NINL: variants seen among roughly 807,000 people sequenced by gnomAD.
NINL encodes the protein ninein like.
Under a neutral mutation model 160.3 loss-of-function variants are expected in NINL, and 153 were observed. That is an observed-to-expected ratio of 0.95 (90% CI 0.84 to 1.09). NINL has a LOEUF of 1.09. NINL is among the 50% of genes least tolerant of loss of function. The pLI is 0.00. For synonymous variants in NINL, 800 were observed against 734.8 expected, an observed-to-expected ratio of 1.09 and a Z score of -1.43; for missense variants, 1,829 against 1,764.0, an observed-to-expected ratio of 1.04 and a Z score of -0.66.
At chr20:25,570,644 C>CT (rs370242636) in intron 1 of NINL, among the ~76,000 whole-genome samples, 4,660 of 126,544 alleles carry the variant, frequency 0.037, 239 homozygotes, top group African/African-American at 0.12. Flanking sequence ...AATACAGATA[C>CT]TTTTTTTTTT....
chr20:25,493,976 C>T (rs2424719), intron 10 of NINL, among the ~76,000 whole-genome samples: 22,343 of 151,986 alleles, frequency 0.15, 3,362 homozygotes, highest in African/African-American at 0.39. Flanking sequence ...ACCACAGTCC[C>T]ACAGGGGCTT....
At chr20:25,509,664 A>T (rs1162486155) in intron 5 of NINL, 4 of 456,456 alleles carry the variant, frequency 8.8e-6, no homozygotes, top group Non-Finnish European at 1.8e-5. Flanking sequence ...ATCCTCTCAC[A>T]CCCACCTTTC....
intron 1 of NINL, among the ~76,000 whole-genome samples, chr20:25,553,801 A>T (rs1021416885): frequency 2.6e-5 from 4 of 152,114 alleles, no homozygotes; most frequent in African/African-American, 7.2e-5. Context: ...CATGGAGGTG[A>T]CTCCGTTTCC....
chr20:25,567,442 G>GC (rs1360113871), intron 1 of NINL, among the ~76,000 whole-genome samples: 1 of 152,112 alleles, frequency 6.6e-6, no homozygotes, highest in African/African-American at 2.4e-5. Context: ...AAAAATCGAG[G>GC]CCGAGGCCTA....
At chr20:25,482,552 T>C (rs928387145) in intron 13 of NINL, among the ~76,000 whole-genome samples, 4 of 151,806 alleles carry the variant, frequency 2.6e-5, no homozygotes, top group Admixed American at 6.5e-5. Context: ...GGTTTCACCA[T>C]GTTGGCCAGG....
At chr20:25,578,446 A>G (rs2065139816) in intron 1 of NINL, among the ~76,000 whole-genome samples, 1 of 152,100 alleles carries the variant, frequency 6.6e-6, no homozygotes, top group Non-Finnish European at 1.5e-5. Flanking sequence ...ACGCACACAA[A>G]GCCACAAAAA....
At chr20:25,573,450 C>T (rs1275085919) in intron 1 of NINL, among the ~76,000 whole-genome samples, 3 of 152,084 alleles carry the variant, frequency 2.0e-5, no homozygotes, top group Non-Finnish European at 4.4e-5. Context: ...GCATAACACA[C>T]AACACTGATG....
At chr20:25,517,220 A>C (rs895840693) in intron 3 of NINL, among the ~76,000 whole-genome samples, 1 of 152,088 alleles carries the variant, frequency 6.6e-6, no homozygotes, top group Non-Finnish European at 1.5e-5. Context: ...CCTATGTGAC[A>C]CACTAAATAA....
Position 25,498,195 on chromosome 20 carries a change from CCT to C in NINL, c.1169+13_1169+14del, listed in dbSNP as rs1247008098. The C allele has an allele frequency of 4.3e-6, 7 of 1,611,958 alleles. No individual in the cohort carries two copies. ...GCCACACTGCCACGTTCCCCAGTCC[CCT>C]GTGGCCTCTTACTGCTGGTAGCTCA... is the stretch of plus-strand genomic sequence containing the variant. On this transcript the variant is annotated intron_variant, in intron 9 of 23. Coordinates refer to ENST00000278886, the MANE Select transcript of NINL (RefSeq NM_025176.6).
At position 25,504,080 on chromosome 20, in the gene NINL, G is replaced by C. The variant is rs780194308; in HGVS notation, c.733C>G (p.Leu245Val). The C allele has an allele frequency of 6.0e-5, 95 of 1,592,366 alleles. No individual in the cohort carries two copies. In the East Asian group the frequency reaches 2.1e-3, roughly 35 times the overall value. ...ACTTTGCCGTCTCCGTCTTGATCCA[G>C]TTTGTTAAACAGGTCTTCGAGTTCC... ...KEELEDLFNK[L>V]DQDGDGKVSL... The change falls in exon 7 of 24, where the codon CTG becomes GTG. Residue 245 changes from leucine to valine, a missense_variant. Transcript: ENST00000278886.
At chr20:25,470,871 A>AT (rs967615667) in intron 17 of NINL, among the ~76,000 whole-genome samples, 5 of 152,158 alleles carry the variant, frequency 3.3e-5, no homozygotes, top group African/African-American at 1.2e-4. Flanking sequence ...CTTAAGACCC[A>AT]TACTTGCTAC....
intron 3 of NINL, among the ~76,000 whole-genome samples, chr20:25,514,199 A>G (rs977911899): frequency 6.6e-6 from 1 of 152,224 alleles, no homozygotes; most frequent in African/African-American, 2.4e-5. Flanking sequence ...GATAAGGAGC[A>G]TATTGGGAAC....
intron 1 of NINL, among the ~76,000 whole-genome samples, chr20:25,553,203 C>T (rs953953794): frequency 6.8e-6 from 1 of 147,424 alleles, no homozygotes; most frequent in South Asian, 2.1e-4. Flanking sequence ...TTCCTGGGCT[C>T]GTGATCCTCC....
chr20:25,463,182 C>T (rs2062834417), intron 19 of NINL, among the ~76,000 whole-genome samples: 2 of 152,008 alleles, frequency 1.3e-5, no homozygotes, highest in African/African-American at 2.4e-5. Flanking sequence ...TGCTCCAGCC[C>T]CTAGGAAAAA....
intron 1 of NINL, among the ~76,000 whole-genome samples, chr20:25,564,914 G>C (rs768069953): frequency 6.6e-6 from 1 of 151,976 alleles, no homozygotes; most frequent in Non-Finnish European, 1.5e-5. Context: ...CAAATACAGA[G>C]ATCACAGTTT....
At chr20:25,526,833 C>T (rs149925574) in intron 1 of NINL, among the ~76,000 whole-genome samples, 32 of 152,256 alleles carry the variant, frequency 2.1e-4, no homozygotes, top group African/African-American at 7.7e-4. Context: ...GTCCTTCAGT[C>T]GTCAGTCACA....
chr20:25,483,632 G>C lies in NINL; in HGVS notation c.1678-1532C>G, dbSNP rs537226980. 1.2e-4 allele frequency among the ~76,000 whole-genome samples: 19 copies of C among 152,396 alleles called. No individual in the cohort carries two copies. In the South Asian group the frequency reaches 1.4e-3, roughly 12 times the overall value. ...CAGGTGGAGGCCGCGTGGGCGGCGG[G>C]AAGGCTAGGACACCATGGCAGGGTG... On this transcript the variant is annotated intron_variant, in intron 13 of 23. Coordinates refer to ENST00000278886, the MANE Select transcript of NINL (RefSeq NM_025176.6).
chr20:25,578,922 G>A (rs973146607), intron 1 of NINL, among the ~76,000 whole-genome samples: 14 of 152,148 alleles, frequency 9.2e-5, no homozygotes, highest in Admixed American at 7.2e-4. Flanking sequence ...GTGGGAGAAT[G>A]CTTGAACCCA....
rs1467969910 is a variant in NINL, at chr20:25,568,438, C to CA, written c.-12+17016dup. ...CTTTTTTTTTTTAAAGACAGACTCT[C>CA]ACTCTGTCACCTAGTCGGGAAGAGT... On this transcript the variant is annotated intron_variant, in intron 1 of 23. Coordinates refer to ENST00000278886, the MANE Select transcript of NINL (RefSeq NM_025176.6). 3.3e-5 allele frequency among the ~76,000 whole-genome samples: 5 copies of CA among 151,794 alleles called. No homozygotes were observed. In the South Asian group the frequency reaches 8.3e-4, roughly 25 times the overall value.
Sources: allele counts gnomAD v4.1 joint callset (sites outside exome capture counted in the v4.1 genomes callset), GRCh38; gene constraint gnomAD v4.1.1; transcripts MANE v1.5; gene names NCBI Gene and HGNC (gene_info 2026-07-23, HGNC 2026-07-21).